Variants in VPS54 observed in about 807,000 individuals in gnomAD.
VPS54 encodes VPS54 subunit of GARP complex.
In VPS54, 45 loss-of-function variants were observed where a neutral mutation model predicts 121.5. The ratio of observed to expected loss-of-function variants is 0.37; its 90% CI spans 0.29 to 0.47. The LOEUF is 0.47. Among genes scored for constraint, VPS54 ranks in the 20% least tolerant of loss-of-function variants. The pLI is 0.99. For synonymous variants in VPS54, 371 were observed against 385.8 expected, an observed-to-expected ratio of 0.96 and a Z score of 0.45; for missense variants, 1,090 against 1,131.4, an observed-to-expected ratio of 0.96 and a Z score of 0.52.
At chr2:63,936,161 CCTTTT>C (rs1674442802) in intron 11 of VPS54, among the ~76,000 whole-genome samples, 1 of 152,100 alleles carries the variant, frequency 6.6e-6, no homozygotes, top group South Asian at 2.1e-4. Flanking sequence ...ATACTTCATT[CCTTTT>C]AATAACATCT....
intron 20 of VPS54, among the ~76,000 whole-genome samples, chr2:63,902,662 A>C (rs1298047372): frequency 6.6e-6 from 1 of 152,160 alleles, no homozygotes; most frequent in Non-Finnish European, 1.5e-5. Flanking sequence ...AAACGATTAG[A>C]GGGAGATATA....
chr2:63,952,522 C>T (rs1451639923), intron 7 of VPS54, among the ~76,000 whole-genome samples: 1 of 152,064 alleles, frequency 6.6e-6, no homozygotes, highest in Non-Finnish European at 1.5e-5. Context: ...TGAGATATAA[C>T]ACAATTTTTA....
chr2:63,983,179 C>G (rs575935416), intron 2 of VPS54, among the ~76,000 whole-genome samples: 4 of 148,478 alleles, frequency 2.7e-5, no homozygotes, highest in East Asian at 3.9e-4. Context: ...GAGAAACAGT[C>G]TCGTTCTGTC....
intron 3 of VPS54, among the ~76,000 whole-genome samples, chr2:63,979,150 T>A (rs550886985): frequency 6.6e-6 from 1 of 152,090 alleles, no homozygotes. Flanking sequence ...ATCGAGTTTA[T>A]CTTCTCAAAG....
chr2:63,995,215 G>A (rs1677524015), intron 1 of VPS54, among the ~76,000 whole-genome samples: 1 of 152,198 alleles, frequency 6.6e-6, no homozygotes, highest in Non-Finnish European at 1.5e-5. Context: ...CCTCCAACCT[G>A]TTTCCACAAA....
At chr2:63,913,450 T>A (rs1171330313) in intron 17 of VPS54, 140 bp from the exon 18 acceptor site, 2 of 479,096 alleles carry the variant, frequency 4.2e-6, no homozygotes, top group Admixed American at 4.1e-5. Flanking sequence ...GCAATTAGTA[T>A]CTATTTATTT....
chr2:63,967,487 G>A (rs1676053040), intron 5 of VPS54, among the ~76,000 whole-genome samples: 1 of 151,922 alleles, frequency 6.6e-6, no homozygotes, highest in Non-Finnish European at 1.5e-5. Flanking sequence ...GGCCAGGTGG[G>A]CGGATCACTT....
intron 9 of VPS54, 126 bp downstream of exon 9, chr2:63,947,257 A>AT: frequency 1.1e-6 from 1 of 932,858 alleles, no homozygotes; most frequent in Non-Finnish European, 1.5e-6. Flanking sequence ...ATTTTTCTAA[A>AT]TTTTCAGTTT....
chr2:63,990,980 AGC>A (rs1677291384), intron 1 of VPS54, among the ~76,000 whole-genome samples: 1 of 152,210 alleles, frequency 6.6e-6, no homozygotes, highest in South Asian at 2.1e-4. Flanking sequence ...ACCCCATTAA[AGC>A]ATTTACAATT....
At chr2:63,968,827 A>T in intron 5 of VPS54, 130 bp downstream of exon 5, 1 of 711,898 alleles carries the variant, frequency 1.4e-6, no homozygotes, top group East Asian at 2.7e-5. Context: ...AAAGTGATGC[A>T]ACACAGCCCC....
chr2:63,929,701 C>A, intron 12 of VPS54, among the ~76,000 whole-genome samples: 2 of 142,060 alleles, frequency 1.4e-5, no homozygotes. Context: ...CATAAAAAAC[C>A]CTTCAAAAAA....
intron 1 of VPS54, among the ~76,000 whole-genome samples, chr2:64,005,385 G>A (rs1678095376): frequency 6.6e-6 from 1 of 151,596 alleles, no homozygotes; most frequent in African/African-American, 2.4e-5. Context: ...TTACAGGCGT[G>A]AGCCACCGCG....
At chr2:64,006,067 ATTAT>A (rs900896817) in intron 1 of VPS54, among the ~76,000 whole-genome samples, 1 of 152,230 alleles carries the variant, frequency 6.6e-6, no homozygotes, top group African/African-American at 2.4e-5. Context: ...AAATTATGTG[ATTAT>A]TTACCTGCTT....
chr2:63,964,124 T>C (rs942990866), intron 6 of VPS54, among the ~76,000 whole-genome samples: 4 of 152,200 alleles, frequency 2.6e-5, no homozygotes, highest in African/African-American at 9.6e-5. Flanking sequence ...AACCAGCTGT[T>C]GTCCATCATA....
chr2:63,914,160 A>G, intron 17 of VPS54, 22 bp downstream of exon 17: 1 of 1,583,222 alleles, frequency 6.3e-7, no homozygotes, highest in Non-Finnish European at 8.7e-7. Flanking sequence ...ATTTTTCCAT[A>G]ATGGAGTGAA....
In VPS54 at chr2:63,897,481, C is replaced by T. The variant is rs375858003; in HGVS notation, c.2828+15G>A. 240 of 1,525,404 alleles carry T rather than the reference C, an allele frequency of 1.6e-4. 1 individual carries two copies. The highest frequency in any genetic ancestry group is 1.2e-3 in the Middle Eastern group (7 of 5,892). The allele number at this position is 1,525,404 out of a possible 1,614,324, so 94.5% of individuals were successfully genotyped here. A position where few individuals can be genotyped will look rare whatever the true frequency, so the allele number is the denominator to read the frequency against. The stretch of plus-strand genomic sequence containing the variant: ...TCGATATGGGAGTATATGGTGAAAA[C>T]GTTAAAAAACATACCCATTTTGAGG... On this transcript the variant is annotated intron_variant, in intron 22 of 22. Transcript: ENST00000272322.
At chr2:63,964,462 T>C (rs1476495867) in intron 6 of VPS54, among the ~76,000 whole-genome samples, 1 of 152,202 alleles carries the variant, frequency 6.6e-6, no homozygotes, top group Non-Finnish European at 1.5e-5. Flanking sequence ...GATGAGACTT[T>C]TACTGGCTTT....
At position 63,897,541 on chromosome 2, in the gene VPS54, T is replaced by C. The variant is rs1336941379; in HGVS notation, c.2783A>G (p.Gln928Arg). Reference sequence around the variant, plus strand: ...ATTTATCACATTTAAGTGAGATAACTGCTTTTTCAAGTGGAGTTTATAACT... The same window carrying C: ...ATTTATCACATTTAAGTGAGATAACCGCTTTTTCAAGTGGAGTTTATAACT... ...NASYKLHLKK[Q>R]LSHLNVINDG... Residue 928 changes from glutamine to arginine, a missense_variant, in exon 22 of 23, where the codon CAG becomes CGG. Coordinates refer to ENST00000272322, the MANE Select transcript of VPS54 (RefSeq NM_016516.3). The C allele has an allele frequency of 1.2e-6, 2 of 1,600,288 alleles. No homozygotes were observed. The highest frequency in any genetic ancestry group is 4.5e-5 in the East Asian group (2 of 44,556).
chr2:63,996,004 C>T (rs144398487), intron 1 of VPS54, among the ~76,000 whole-genome samples: 2,020 of 152,242 alleles, frequency 0.013, 58 homozygotes, highest in African/African-American at 0.046. Context: ...TAGTAAATTT[C>T]GGAATTATGT....
Sources: allele counts gnomAD v4.1 joint callset (sites outside exome capture counted in the v4.1 genomes callset), GRCh38; gene constraint gnomAD v4.1.1; transcripts MANE v1.5; gene names NCBI Gene and HGNC (gene_info 2026-07-23, HGNC 2026-07-21).